Variants in NFS1 observed in about 807,000 individuals in gnomAD.
The protein encoded by NFS1 is NFS1 cysteine desulfurase.
Under a neutral mutation model 57.3 loss-of-function variants are expected in NFS1, and 26 were observed. That is an observed-to-expected ratio of 0.45 (90% CI 0.33 to 0.63). NFS1 has a LOEUF of 0.63. Among genes scored for constraint, NFS1 ranks in the 20% least tolerant of loss-of-function variants. The pLI is 0.02. For missense variants in NFS1, 505 were observed against 605.8 expected (o/e 0.83, Z 1.75); for synonymous variants, 209 against 216.3 (o/e 0.97, Z 0.30).
At chr20:35,680,897 C>T in intron 6 of NFS1, 26 bp from the exon 7 acceptor site, 1 of 1,464,602 alleles carries the variant, frequency 6.8e-7, no homozygotes, top group African/African-American at 1.4e-5. Flanking sequence ...GGAAGACCCA[C>T]AGCACAATGT....
rs774373577 is a variant in NFS1 at position 35,681,964 on chromosome 20, G to C, written c.579C>G (p.Ile193Met). The C allele has an allele frequency of 6.2e-7, 1 of 1,608,162 alleles. No homozygotes were observed. The highest frequency in any genetic ancestry group is 1.1e-5 in the South Asian group (1 of 90,962). The change falls in exon 6 of 13, where the codon ATC becomes ATG. Residue 193 changes from isoleucine to methionine, a missense_variant. Transcript: ENST00000374092. ...CTGACACCAGGCTAGTATCTGGCTG[G>C]ATAGCAGCCTCTAGTTCCTAGGGAT... ...IIDLKELEAA[I>M]QPDTSLVSVM...
At position 35,699,017 on chromosome 20, in the gene NFS1, C is replaced by T. The variant is rs2035194655; in HGVS notation, c.97+175G>A. 7.6e-7 allele frequency: 1 copy of T among 1,324,448 alleles called. No individual in the cohort carries two copies. The highest frequency in any genetic ancestry group is 9.6e-7 in the Non-Finnish European group (1 of 1,040,768). The allele number at this position is 1,324,448 out of a possible 1,614,324, so 82.0% of individuals were successfully genotyped here. ...GTCGCGCAGGGTGCGAGGGGTGGTG[C>T]GCCGGGGTCAACCGTTCGGGGACCC... On this transcript the variant is annotated intron_variant, in intron 1 of 12. Coordinates refer to ENST00000374092, the MANE Select transcript of NFS1 (RefSeq NM_021100.5). The surrounding 1 kb of genome is among the most constrained non-coding windows in gnomAD (Gnocchi z 4.4).
chr20:35,685,936 A>AT (rs1291829830), intron 5 of NFS1, among the ~76,000 whole-genome samples: 404 of 140,506 alleles, frequency 2.9e-3, no homozygotes, highest in African/African-American at 9.6e-3. Flanking sequence ...TTCTTTCTTT[A>AT]TTTTTTTTTT....
chr20:35,687,951 T>C (rs1024068679), intron 5 of NFS1, among the ~76,000 whole-genome samples: 1 of 152,110 alleles, frequency 6.6e-6, no homozygotes, highest in African/African-American at 2.4e-5. Flanking sequence ...TGTTTAAAAA[T>C]TTAGCAGGCT....
At chr20:35,676,499 T>A (rs1191141996) in intron 7 of NFS1, among the ~76,000 whole-genome samples, 1 of 151,322 alleles carries the variant, frequency 6.6e-6, no homozygotes, top group East Asian at 1.9e-4. Context: ...GGCAGGAGAA[T>A]CGCCTGAACT....
intron 4 of NFS1, among the ~76,000 whole-genome samples, chr20:35,695,669 T>G (rs2146439803): frequency 6.6e-6 from 1 of 152,040 alleles, no homozygotes; most frequent in South Asian, 2.1e-4. Context: ...TGCAAATAGA[T>G]CTGATCAGAA....
intron 5 of NFS1, chr20:35,682,726 G>C (rs534608340): frequency 6.6e-6 from 1 of 151,944 alleles, no homozygotes; most frequent in Non-Finnish European, 1.5e-5. Context: ...GTTGCAGTAA[G>C]CTGAGATTGC....
chr20:35,687,691 C>T (rs758732442), intron 5 of NFS1, among the ~76,000 whole-genome samples: 2 of 152,200 alleles, frequency 1.3e-5, no homozygotes, highest in Non-Finnish European at 2.9e-5. Context: ...CGTCTCTGCA[C>T]ATGGGGAGAA....
intron 10 of NFS1, chr20:35,674,100 C>A: frequency 3.9e-6 from 2 of 514,236 alleles, no homozygotes; most frequent in Admixed American, 3.2e-5. Flanking sequence ...GTGTAACCCA[C>A]AACAGACACA....
intron 6 of NFS1, among the ~76,000 whole-genome samples, chr20:35,681,243 A>C (rs2034843878): frequency 6.6e-6 from 1 of 152,182 alleles, no homozygotes; most frequent in South Asian, 2.1e-4. Context: ...AAAAAAAAAA[A>C]AACAAGATTA....
chr20:35,669,694 G>C lies in NFS1; in HGVS notation c.1311-9C>G. The C allele has an allele frequency of 6.8e-6, 11 of 1,613,820 alleles. No individual in the cohort carries two copies. Among genetic ancestry groups the C allele is most frequent in the African/African-American group, 1.3e-5 (1 of 75,030 alleles). ...CCATCTCCCAGAGAGGGCTGCCAAA[G>C]AGAAGAGGCATTAAATGAGTGAGGG... On this transcript the variant is annotated splice_polypyrimidine_tract_variant and intron_variant, in intron 12 of 12. Coordinates refer to ENST00000374092, the MANE Select transcript of NFS1 (RefSeq NM_021100.5).
rs539285481 is a variant in NFS1 at position 35,683,675 on chromosome 20, G to A, written c.562-1694C>T. On this transcript the variant is annotated intron_variant, in intron 5 of 12. Transcript: ENST00000374092. Reference sequence around the variant, plus strand: ...CGCGCCCTGTAGTCCCAAGCTACTAGGGAGGCTGAGGCAGGAGAATCGCTT... The same window carrying A: ...CGCGCCCTGTAGTCCCAAGCTACTAAGGAGGCTGAGGCAGGAGAATCGCTT... Among the ~76,000 whole-genome samples, 24 of 151,506 alleles carry A rather than the reference G, an allele frequency of 1.6e-4. No homozygotes were observed. In the East Asian group the frequency reaches 4.4e-3, roughly 28 times the overall value.
At chr20:35,675,023 G>C in intron 8 of NFS1, 22 bp downstream of exon 8, 2 of 1,613,812 alleles carry the variant, frequency 1.2e-6, no homozygotes, top group African/African-American at 2.7e-5. Context: ...GAAGTTGTGG[G>C]AGGGAACTGC....
chr20:35,697,880 C>G, intron 2 of NFS1, 80 bp from the exon 3 acceptor site: 1 of 909,518 alleles, frequency 1.1e-6, no homozygotes, highest in Non-Finnish European at 1.8e-6. Flanking sequence ...CCTGGCCACC[C>G]TGCCTTAAGA....
intron 12 of NFS1, among the ~76,000 whole-genome samples, chr20:35,671,718 C>T (rs2034658059): frequency 6.6e-6 from 1 of 151,904 alleles, no homozygotes; most frequent in Non-Finnish European, 1.5e-5. Flanking sequence ...AGCAAAACTC[C>T]GTCTCTACAA....
intron 7 of NFS1, among the ~76,000 whole-genome samples, chr20:35,678,012 G>A (rs1471342015): frequency 6.6e-6 from 1 of 152,004 alleles, no homozygotes; most frequent in Admixed American, 6.6e-5. Flanking sequence ...TCAGGAGTTC[G>A]AGACCAGCCT....
intron 4 of NFS1, among the ~76,000 whole-genome samples, chr20:35,695,391 C>G (rs1033851474): frequency 1.3e-5 from 2 of 152,196 alleles, no homozygotes; most frequent in African/African-American, 4.8e-5. Context: ...AGCCAGAGTT[C>G]AAAGTACAGC....
intron 12 of NFS1, among the ~76,000 whole-genome samples, chr20:35,671,194 C>G (rs984911433): frequency 4.6e-5 from 7 of 152,212 alleles, no homozygotes; most frequent in Non-Finnish European, 1.0e-4. Flanking sequence ...AGCTCTGCCT[C>G]CTGGGTTCAC....
rs368057455 is a variant in NFS1 at position 35,672,805 on chromosome 20, G to A, written c.1260C>T (p.Asp420=). The A allele has an allele frequency of 1.1e-5, 18 of 1,613,184 alleles. No individual in the cohort carries two copies. In the African/African-American group the frequency reaches 2.4e-4, roughly 22 times the overall value. ...IGRFTTEEEV[D]YTVEKCIQHV... ...GCTGAATGCATTTCTCCACTGTGTA[G>A]TCCACTTCCTCCTCTGTAGTGAAGC... Residue 420 remains aspartate, a synonymous_variant, in exon 12 of 13, where the codon GAC becomes GAT. Coordinates refer to ENST00000374092, the MANE Select transcript of NFS1 (RefSeq NM_021100.5).
Sources: gnomAD v4.1 joint callset for allele counts (sites outside exome capture counted in the v4.1 genomes callset) on GRCh38, gnomAD v4.1.1 for gene constraint, Gnocchi (gnomAD v3.1) non-coding constraint, MANE v1.5 for transcripts, NCBI Gene and HGNC (gene_info 2026-07-23, HGNC 2026-07-21) for gene names.